TUBA1C: variants seen among roughly 807,000 people sequenced by gnomAD.
The protein encoded by TUBA1C is tubulin alpha-1C chain.
Under a neutral mutation model 34.9 loss-of-function variants are expected in TUBA1C, and 16 were observed. The observed-to-expected ratio is 0.46, with a 90% CI of 0.31 to 0.70. TUBA1C has a LOEUF of 0.70. TUBA1C is among the 30% of genes least tolerant of loss of function. The probability of loss-of-function intolerance (pLI) is 0.05; values close to 1 mark genes in which losing one functional copy is unlikely to be tolerated. For synonymous variants in TUBA1C, 177 were observed against 215.9 expected (o/e 0.82, Z 1.58); for missense variants, 329 against 587.3 (o/e 0.56, Z 4.55).
At chr12:49,237,981 C>T (rs761392655) in intron 1 of TUBA1C, among the ~76,000 whole-genome samples, 2 of 151,316 alleles carry the variant, frequency 1.3e-5, no homozygotes, top group East Asian at 3.9e-4. Flanking sequence ...TGGTGGTGGG[C>T]GCCTGTAATC....
intron 1 of TUBA1C, among the ~76,000 whole-genome samples, chr12:49,247,724 GA>G (rs1387748576): frequency 1.3e-4 from 20 of 152,144 alleles, no homozygotes; most frequent in Middle Eastern, 3.4e-3. Context: ...AAGGCAGGCG[GA>G]TCACGAGGTT....
At chr12:49,268,175 C>T (rs975878044) in intron 1 of TUBA1C, among the ~76,000 whole-genome samples, 9 of 152,254 alleles carry the variant, frequency 5.9e-5, no homozygotes, top group African/African-American at 1.4e-4. Context: ...TCTCTGCAAC[C>T]GCCACCTCCT....
chr12:49,246,262 T>C (rs919008811), intron 1 of TUBA1C, among the ~76,000 whole-genome samples: 2 of 148,878 alleles, frequency 1.3e-5, no homozygotes, highest in African/African-American at 4.9e-5. Context: ...ATTACAGGCG[T>C]GAGCCACTGC....
At position 49,274,285 on chromosome 12, in the gene TUBA1C, A is replaced by ATTTTTTTTTTTTTTTTTT. The variant is rs869028916; in HGVS notation, c.*1070_*1087dup. On this transcript the variant is annotated 3_prime_UTR_variant, in exon 4 of 4. Transcript: ENST00000301072. ...CCACCATGCCTGGCTGATTCTTGTA[A>ATTTTTTTTTTTTTTTTTT]TTTTTTTTTTTTTTTTTTTTTTTTT... The ATTTTTTTTTTTTTTTTTT allele has an allele frequency of 1.4e-5, 1 of 69,696 alleles. No individual in the cohort carries two copies. The allele number at this position is 69,696 out of a possible 1,614,324, so 4.3% of individuals were successfully genotyped here.
chr12:49,269,450 T>G lies in TUBA1C; in HGVS notation c.4-15T>G, dbSNP rs776625532. 4 of 1,613,984 alleles carry G rather than the reference T, an allele frequency of 2.5e-6. No homozygotes were observed. In the East Asian group the frequency reaches 8.9e-5, roughly 36 times the overall value. Reference sequence around the variant, plus strand: ...ATGTATTATACCCTGACATTTTCCTTTCTTCCTCCCACAGCGTGAGTGCAT... The same window carrying G: ...ATGTATTATACCCTGACATTTTCCTGTCTTCCTCCCACAGCGTGAGTGCAT... On this transcript the variant is annotated splice_polypyrimidine_tract_variant and intron_variant, in intron 1 of 3. Coordinates refer to ENST00000301072, the MANE Select transcript of TUBA1C (RefSeq NM_032704.5).
At chr12:49,237,176 T>A (rs1307123323) in intron 1 of TUBA1C, among the ~76,000 whole-genome samples, 4 of 152,084 alleles carry the variant, frequency 2.6e-5, no homozygotes, top group African/African-American at 9.7e-5. Flanking sequence ...TCCCAACACT[T>A]TGGGAGGCTG....
intron 1 of TUBA1C, among the ~76,000 whole-genome samples, chr12:49,239,775 C>CAG (rs754516665): frequency 6.6e-5 from 10 of 151,948 alleles, no homozygotes; most frequent in Middle Eastern, 3.2e-3. Flanking sequence ...GCCCTGGCAA[C>CAG]AGAGAGATGG....
intron 1 of TUBA1C, among the ~76,000 whole-genome samples, chr12:49,248,638 C>A (rs1250965052): frequency 3.3e-5 from 5 of 150,882 alleles, no homozygotes; most frequent in Non-Finnish European, 7.4e-5. Context: ...CCGAGGCGGG[C>A]GGATCACGAG....
chr12:49,247,536 G>A (rs913953142), intron 1 of TUBA1C, among the ~76,000 whole-genome samples: 9 of 151,992 alleles, frequency 5.9e-5, no homozygotes, highest in African/African-American at 1.5e-4. Flanking sequence ...CCTGGGAGGC[G>A]GAGGTTGCAG....
chr12:49,255,432 T>A (rs12825029), intron 1 of TUBA1C, among the ~76,000 whole-genome samples: 1 of 138,842 alleles, frequency 7.2e-6, no homozygotes, highest in African/African-American at 2.6e-5. Flanking sequence ...ATATATATAT[T>A]TCTCTGATAG....
chr12:49,270,098 G>A (rs1354757238), intron 3 of TUBA1C, 122 bp downstream of exon 3: 4 of 1,574,690 alleles, frequency 2.5e-6, no homozygotes, highest in Non-Finnish European at 3.5e-6. Context: ...AAATGTATCT[G>A]TTCACTAAAT....
chr12:49,273,748 C>T lies in TUBA1C; in HGVS notation c.*521C>T, dbSNP rs117760846. 3.9e-4 allele frequency: 70 copies of T among 181,482 alleles called. 1 individual carries two copies. In the East Asian group the frequency reaches 8.0e-3, roughly 21 times the overall value. The allele number at this position is 181,482 out of a possible 1,614,324, so 11.2% of individuals were successfully genotyped here. ...TAGAATCATTTTGTAAGTGAGGAAACGGGTTCAGATTGAGCCAGTGCTTCT... is the reference window on the plus strand; with the variant it reads ...TAGAATCATTTTGTAAGTGAGGAAATGGGTTCAGATTGAGCCAGTGCTTCT... On this transcript the variant is annotated 3_prime_UTR_variant, in exon 4 of 4. Transcript: ENST00000301072.
At chr12:49,254,251 C>T (rs1005923257) in intron 1 of TUBA1C, among the ~76,000 whole-genome samples, 34 of 151,888 alleles carry the variant, frequency 2.2e-4, no homozygotes, top group Admixed American at 1.4e-3. Flanking sequence ...CTGGAGGTTG[C>T]GGTGAGCCAA....
At chr12:49,259,867 AGGAGGCAGGT>A (rs965073414) in intron 1 of TUBA1C, among the ~76,000 whole-genome samples, 2 of 152,142 alleles carry the variant, frequency 1.3e-5, no homozygotes, top group Admixed American at 1.3e-4. Context: ...TGGGAGCAGG[AGGAGGCAGGT>A]GGAGATGCAG....
intron 1 of TUBA1C, among the ~76,000 whole-genome samples, chr12:49,239,253 A>G (rs747624417): frequency 6.6e-6 from 1 of 152,214 alleles, no homozygotes; most frequent in Non-Finnish European, 1.5e-5. Context: ...TGCTCTAGTC[A>G]CTTAGGAAAT....
At chr12:49,248,206 C>T (rs1478058978) in intron 1 of TUBA1C, among the ~76,000 whole-genome samples, 3 of 151,392 alleles carry the variant, frequency 2.0e-5, no homozygotes, top group Non-Finnish European at 2.9e-5. Flanking sequence ...ACCTGGGAGG[C>T]GGAGGTTGCA....
chr12:49,255,405 A>ATATATATAT (rs1555167050), intron 1 of TUBA1C, among the ~76,000 whole-genome samples: 5 of 141,314 alleles, frequency 3.5e-5, no homozygotes, highest in African/African-American at 1.3e-4. Flanking sequence ...ATCTTTAAAA[A>ATATATATAT]ATATATATAT....
At chr12:49,229,363 G>C (rs1054429968) in intron 1 of TUBA1C, among the ~76,000 whole-genome samples, 2 of 152,130 alleles carry the variant, frequency 1.3e-5, no homozygotes, top group African/African-American at 4.8e-5. Flanking sequence ...AGTAGAGACA[G>C]GGTTTCACCA....
In TUBA1C at chr12:49,268,949, G is replaced by A. The variant is rs541420082; in HGVS notation, c.4-516G>A. ...TACAAAGCAACTGTCTGGTCTTGCC[G>A]AGTAGTTCATGAACACATCTTTGGT... On this transcript the variant is annotated intron_variant, in intron 1 of 3. Transcript: ENST00000301072. Among the ~76,000 whole-genome samples, 19 of 152,330 alleles carry A rather than the reference G, an allele frequency of 1.2e-4. No individual in the cohort carries two copies. In the East Asian group the frequency reaches 2.9e-3, roughly 23 times the overall value.
Sources: gnomAD v4.1 joint callset for allele counts (sites outside exome capture counted in the v4.1 genomes callset) on GRCh38, gnomAD v4.1.1 for gene constraint, MANE v1.5 for transcripts, NCBI Gene and HGNC (gene_info 2026-07-23, HGNC 2026-07-21) for gene names.